The following SACM1L variants were observed in gnomAD, a reference collection of about 807,000 sequenced individuals.
SACM1L encodes the protein phosphatidylinositol-3-phosphatase SAC1.
SACM1L carries 32 observed loss-of-function variants against 89.5 expected under a neutral mutation model. The ratio of observed to expected loss-of-function variants is 0.36; its 90% confidence interval spans 0.27 to 0.48. SACM1L has a LOEUF of 0.48. SACM1L is among the 20% of genes least tolerant of loss of function. The probability of loss-of-function intolerance (pLI) is 0.99; values close to 1 mark genes in which losing one functional copy is unlikely to be tolerated. For missense variants in SACM1L, 543 were observed against 708.5 expected (o/e 0.77, Z 2.65); for synonymous variants, 213 against 232.8 (o/e 0.92, Z 0.77).
At chr3:45,725,306 T>TTGTC (rs71095051) in intron 11 of SACM1L, among the ~76,000 whole-genome samples, 94,944 of 151,514 alleles carry the variant, frequency 0.63, 30,141 homozygotes, top group Non-Finnish European at 0.65. Flanking sequence ...ATAATATTGT[T>TTGTC]AGTCCATCAA....
chr3:45,689,722 C>T lies in SACM1L; in HGVS notation c.32+225C>T, dbSNP rs142627272. On this transcript the variant is annotated intron_variant, in intron 1 of 19. Transcript: ENST00000389061. ...CTTTCTCCACCGTGCTCGGCCCCAG[C>T]GCCCACGGCTGAAGAGAGAAGCTGC... 3.1e-3 allele frequency: 1,888 copies of T among 613,518 alleles called. 5 individuals carry two copies. The highest frequency in any genetic ancestry group is 3.1e-3 in the Non-Finnish European group (1,082 of 349,300). 38.0% of individuals were successfully genotyped at this position (613,518 alleles called of 1,614,324 possible).
chr3:45,722,053 C>T lies in SACM1L; in HGVS notation c.733C>T (p.His245Tyr). 1.2e-6 allele frequency: 2 copies of T among 1,612,348 alleles called. No homozygotes were observed. The highest frequency in any genetic ancestry group is 1.7e-6 in the Non-Finnish European group (2 of 1,179,148). ...CTTTGTAGAAACAGAACAAATTGTG[C>T]ACTACAATGGGAGCAAAGCTTCGTT... ...ANFVETEQIV[H>Y]YNGSKASFVQ... is the part of the protein sequence containing the mutation. Residue 245 changes from histidine to tyrosine, a missense_variant, in exon 9 of 20, where the codon CAC becomes TAC. This residue lies in a region of SACM1L where 370 missense variants were observed against 527.6 expected (regional missense o/e 0.70). Coordinates refer to ENST00000389061, the MANE Select transcript of SACM1L (RefSeq NM_014016.5).
In SACM1L at chr3:45,744,359, G is replaced by T. The variant is rs1398276603; in HGVS notation, c.*690G>T. ...ATATACTTTATCTTTTTAAAAAAGT[G>T]TAAATAAAATCAAAGAATGTAAAGT... On this transcript the variant is annotated 3_prime_UTR_variant, in exon 20 of 20. Coordinates refer to ENST00000389061, the MANE Select transcript of SACM1L (RefSeq NM_014016.5). The T allele has an allele frequency of 6.6e-6, 1 of 152,604 alleles. No individual in the cohort carries two copies. The highest frequency in any genetic ancestry group is 2.4e-5 in the African/African-American group (1 of 41,452). 9.5% of individuals were successfully genotyped at this position (152,604 alleles called of 1,614,324 possible).
chr3:45,699,916 A>G (rs1218557490), intron 1 of SACM1L, among the ~76,000 whole-genome samples: 3 of 152,172 alleles, frequency 2.0e-5, no homozygotes, highest in Admixed American at 6.5e-5. Context: ...TTTATAATAA[A>G]TACTTTATTG....
At position 45,706,834 on chromosome 3, in the gene SACM1L, A is replaced by C. The variant is rs757233679; in HGVS notation, c.260A>C (p.His87Pro). ...KKIKVGEFFSHVVWKATDFDV... is the reference protein window; with the variant it reads ...KKIKVGEFFSPVVWKATDFDV... ...ATAAAAGTAGGTGAATTTTTCAGTC[A>C]TGTAGTCTGGAAAGCAACAGATTTT... Residue 87 changes from histidine (H) to proline (P), a missense_variant, in exon 4 of 20, where the codon CAT becomes CCT. By Grantham distance (77) the His-to-Pro change is moderately conservative (BLOSUM62 -2). Coordinates refer to ENST00000389061, the MANE Select transcript of SACM1L (RefSeq NM_014016.5). 6.2e-7 allele frequency: 1 copy of C among 1,612,668 alleles called. No individual in the cohort carries two copies. Among genetic ancestry groups the C allele is most frequent in the Non-Finnish European group, 8.5e-7 (1 of 1,178,934 alleles).
At chr3:45,695,279 G>C (rs1270050960) in intron 1 of SACM1L, among the ~76,000 whole-genome samples, 1 of 140,376 alleles carries the variant, frequency 7.1e-6, no homozygotes, top group South Asian at 2.3e-4. Flanking sequence ...TTTTTTTTTT[G>C]AGATGGGGTC....
intron 4 of SACM1L, among the ~76,000 whole-genome samples, chr3:45,709,018 G>A (rs1043310191): frequency 2.0e-5 from 3 of 152,164 alleles, no homozygotes; most frequent in Non-Finnish European, 2.9e-5. Flanking sequence ...ACCAGGGAAC[G>A]TTTCTTGAGA....
At chr3:45,708,080 GT>G (rs1262608459) in intron 4 of SACM1L, among the ~76,000 whole-genome samples, 1 of 151,986 alleles carries the variant, frequency 6.6e-6, no homozygotes, top group Non-Finnish European at 1.5e-5. Flanking sequence ...TTACAATAGA[GT>G]TTTTAATGTT....
intron 4 of SACM1L, 199 bp downstream of exon 4, chr3:45,707,106 TTA>T: frequency 2.1e-6 from 1 of 466,860 alleles, no homozygotes; most frequent in Non-Finnish European, 3.6e-6. Context: ...TTTTTTTTTT[TTA>T]AAGATTCAGT....
chr3:45,700,104 C>T (rs1174901234), intron 1 of SACM1L, among the ~76,000 whole-genome samples: 1 of 151,844 alleles, frequency 6.6e-6, no homozygotes, highest in African/African-American at 2.4e-5. Context: ...GGTGAGCTGT[C>T]GAGGGCAAGC....
At position 45,706,820 on chromosome 3, in the gene SACM1L, T is replaced by C. The variant is rs775176609; in HGVS notation, c.246T>C (p.Gly82=). ...LIVITKKIKV[G]EFFSHVVWKA... is the part of the protein sequence containing the mutation. ...TCATTACCAAAAAGATAAAAGTAGG[T>C]GAATTTTTCAGTCATGTAGTCTGGA... Residue 82 remains glycine (G), a synonymous_variant, in exon 4 of 20, where the codon GGT becomes GGC. Coordinates refer to ENST00000389061, the MANE Select transcript of SACM1L (RefSeq NM_014016.5). 1 of 1,612,324 alleles carries C rather than the reference T, an allele frequency of 6.2e-7. No individual in the cohort carries two copies.
At chr3:45,722,984 G>C in intron 10 of SACM1L, 29 bp downstream of exon 10, 1 of 1,515,358 alleles carries the variant, frequency 6.6e-7, no homozygotes. Flanking sequence ...TTTTTTGTTG[G>C]TTAAAAATAG....
intron 8 of SACM1L, among the ~76,000 whole-genome samples, chr3:45,721,617 C>G (rs1306615553): frequency 6.6e-6 from 1 of 152,108 alleles, no homozygotes; most frequent in Non-Finnish European, 1.5e-5. Context: ...TTTTACCTTT[C>G]AAACTAGTAT....
intron 1 of SACM1L, 99 bp downstream of exon 1, chr3:45,689,596 G>A: frequency 7.3e-7 from 1 of 1,362,848 alleles, no homozygotes; most frequent in Non-Finnish European, 1.0e-6. Context: ...TTGCAGATAG[G>A]GTGTGGGAGC....
At chr3:45,703,148 C>G (rs1432574096) in intron 1 of SACM1L, among the ~76,000 whole-genome samples, 2 of 152,122 alleles carry the variant, frequency 1.3e-5, no homozygotes, top group Non-Finnish European at 2.9e-5. Context: ...TCCTACTATG[C>G]TACATTGCCT....
Position 45,743,738 on chromosome 3 carries a change from C to T in SACM1L, c.*69C>T, listed in dbSNP as rs1035478677. On this transcript the variant is annotated 3_prime_UTR_variant, in exon 20 of 20. Transcript: ENST00000389061. ...TGCAGAACTGGAGTCTTTACTGACC[C>T]GCTTTCCACATCAGCCCAAGGTCTT... is the stretch of plus-strand genomic sequence containing the variant. The T allele has an allele frequency of 7.9e-6, 12 of 1,514,814 alleles. No individual in the cohort carries two copies. Among genetic ancestry groups the T allele is most frequent in the East Asian group, 4.6e-5 (2 of 43,712 alleles). The allele number at this position is 1,514,814 out of a possible 1,614,324, so 93.8% of individuals were successfully genotyped here.
chr3:45,694,931 A>G (rs2742427), intron 1 of SACM1L, among the ~76,000 whole-genome samples: 73,270 of 151,942 alleles, frequency 0.48, 18,201 homozygotes, highest in Middle Eastern at 0.57. Flanking sequence ...GGAATAGGAT[A>G]TAGGTGGGAA....
Position 45,737,583 on chromosome 3 carries a change from A to G in SACM1L, c.1240A>G (p.Arg414Gly). The change falls in exon 15 of 20, where the codon AGA (arginine) becomes GGA (glycine). Residue 414 changes from arginine (R) to glycine (G), a missense_variant and splice_region_variant. Transcript: ENST00000389061. ...ATCTGGGTGTGGTTTTTTATTCCAG[A>G]GACTAGGAGTTTTGCATGTGGGACA... Reference protein sequence around the residue: ...ARRSLQAQLQRLGVLHVGQKL... With the variant: ...ARRSLQAQLQGLGVLHVGQKL... 6.3e-7 allele frequency: 1 copy of G among 1,591,494 alleles called. No homozygotes were observed. The highest frequency in any genetic ancestry group is 8.5e-7 in the Non-Finnish European group (1 of 1,174,490).
intron 1 of SACM1L, among the ~76,000 whole-genome samples, chr3:45,696,506 T>C (rs1326962207): frequency 6.6e-6 from 1 of 152,220 alleles, no homozygotes; most frequent in Non-Finnish European, 1.5e-5. Context: ...TTGGGTCATA[T>C]GGGAATTCTA....
Sources: allele counts gnomAD v4.1 joint callset (sites outside exome capture counted in the v4.1 genomes callset), GRCh38; gene constraint gnomAD v4.1.1; regional missense constraint gnomAD v4.1.1; transcripts MANE v1.5; gene names NCBI Gene and HGNC (gene_info 2026-07-23, HGNC 2026-07-21).